AFDN: variants seen among roughly 807,000 people sequenced by gnomAD.
AFDN encodes afadin.
Under a neutral mutation model 216.6 loss-of-function variants are expected in AFDN, and 68 were observed. The observed-to-expected ratio is 0.31, with a 90% CI of 0.26 to 0.38. The LOEUF (loss-of-function observed/expected upper bound fraction) is 0.38, where lower values mean the gene tolerates loss of function less well. Ranked by LOEUF, AFDN falls within the 10% of genes least tolerant of loss-of-function variation. The pLI, the probability that AFDN is intolerant of heterozygous loss-of-function variation, is 1.00. For missense variants in AFDN, 2,136 were observed against 2,342.0 expected (o/e 0.91, Z 1.82); for synonymous variants, 868 against 853.7 (o/e 1.02, Z -0.29).
intron 27 of AFDN, 46 bp downstream of exon 27, chr6:167,946,947 G>C: frequency 6.6e-7 from 1 of 1,518,500 alleles, no homozygotes. Context: ...TGTGATCACA[G>C]TCTGAAGTGA....
chr6:167,907,011 G>A (rs771143935), intron 12 of AFDN, among the ~76,000 whole-genome samples, 160 bp from the exon 13 acceptor site: 8 of 152,218 alleles, frequency 5.3e-5, no homozygotes, highest in Non-Finnish European at 1.2e-4. Context: ...GGCACTCCCC[G>A]TGGACATAGT....
intron 12 of AFDN, among the ~76,000 whole-genome samples, chr6:167,904,517 A>G (rs948947825): frequency 2.0e-5 from 3 of 152,032 alleles, no homozygotes; most frequent in African/African-American, 7.2e-5. Context: ...GCCCCGATTC[A>G]TATCTCTAAA....
At chr6:167,928,846 C>T (rs1792907236) in intron 23 of AFDN, among the ~76,000 whole-genome samples, 2 of 152,248 alleles carry the variant, frequency 1.3e-5, no homozygotes, top group East Asian at 3.8e-4. Context: ...TGTATGTCCT[C>T]TTTGCATTTG....
At position 167,911,270 on chromosome 6, in the gene AFDN, A is replaced by C. The variant is rs1188680666; in HGVS notation, c.1832-14A>C. 1.2e-6 allele frequency: 2 copies of C among 1,609,470 alleles called. No individual in the cohort carries two copies. Among genetic ancestry groups the C allele is most frequent in the South Asian group, 2.2e-5 (2 of 90,500 alleles). ...TTTTTTCCTTTTTTCTTTGTTTTTG[A>C]AATCTTTCCACAGCTGAAGATTCAT... On this transcript the variant is annotated splice_polypyrimidine_tract_variant and intron_variant, in intron 14 of 33. Transcript: ENST00000683244.
intron 8 of AFDN, among the ~76,000 whole-genome samples, chr6:167,893,281 C>T (rs2128353079): frequency 6.6e-6 from 1 of 152,308 alleles, no homozygotes; most frequent in Admixed American, 6.5e-5. Flanking sequence ...TCACAGTCAG[C>T]ATGCTGAATG....
At chr6:167,963,184 C>A (rs1797209587) in intron 31 of AFDN, 3 of 1,065,732 alleles carry the variant, frequency 2.8e-6, no homozygotes, top group Non-Finnish European at 3.4e-6. Context: ...CGAATTTTGA[C>A]ATTCTGAGAA....
At position 167,846,695 on chromosome 6, in the gene AFDN, TA is replaced by T. The variant is rs34155210; in HGVS notation, c.106-17846del. 3.9e-3 allele frequency among the ~76,000 whole-genome samples: 561 copies of T among 143,936 alleles called. 2 individuals are homozygous for T. Among genetic ancestry groups the T allele is most frequent in the African/African-American group, 0.013 (524 of 39,268 alleles). The allele number at this position is 143,936 out of a possible 152,430, so 94.4% of individuals were successfully genotyped here. On this transcript the variant is annotated intron_variant, in intron 1 of 33. Transcript: ENST00000683244. Reference sequence around the variant, plus strand: ...TGAAGATTGAAAAAAGTATAATATTTAAAAAAAAAACCAAGTTGTTTTTTTT... The same window carrying T: ...TGAAGATTGAAAAAAGTATAATATTTAAAAAAAAACCAAGTTGTTTTTTTT...
intron 1 of AFDN, among the ~76,000 whole-genome samples, chr6:167,856,273 A>T (rs531438293): frequency 6.6e-6 from 1 of 152,230 alleles, no homozygotes; most frequent in East Asian, 1.9e-4. Flanking sequence ...TACTGTGCTT[A>T]ATTTATAAAC....
chr6:167,900,084 G>A (rs920705506), intron 11 of AFDN, among the ~76,000 whole-genome samples: 2 of 152,222 alleles, frequency 1.3e-5, no homozygotes, highest in African/African-American at 4.8e-5. Context: ...AGGTTTCAAT[G>A]AGGAGAATGT....
At chr6:167,844,177 A>AGTGTGTGTGTGTGT (rs71004173) in intron 1 of AFDN, among the ~76,000 whole-genome samples, 7 of 141,696 alleles carry the variant, frequency 4.9e-5, no homozygotes, top group African/African-American at 1.6e-4. Flanking sequence ...TCAAAAATGA[A>AGTGTGTGTGTGTGT]GTGTGTGTGT....
Position 167,827,235 on chromosome 6 carries a change from G to A in AFDN, c.103G>A (p.Glu35Lys), listed in dbSNP as rs1224891935. ...LDLFEISQPTEDLEFHGVMRF... is the reference protein window; with the variant it reads ...LDLFEISQPTKDLEFHGVMRF... The stretch of plus-strand genomic sequence containing the variant: ...CCTGTTCGAGATCAGCCAGCCGACC[G>A]AGGTGAGCACCGCCGGGCGCGGGGC... Residue 35 changes from glutamate to lysine, a missense_variant and splice_region_variant, in exon 1 of 34, where the codon GAG (glutamate) becomes AAG (lysine). By Grantham distance (56) the Glu-to-Lys change is moderately conservative. Transcript: ENST00000683244. The A allele has an allele frequency of 2.5e-6, 3 of 1,193,066 alleles. No homozygotes were observed. The highest frequency in any genetic ancestry group is 3.2e-6 in the Non-Finnish European group (3 of 932,534). 73.9% of individuals were successfully genotyped at this position (1,193,066 alleles called of 1,614,324 possible).
At chr6:167,835,860 A>AT (rs1297872559) in intron 1 of AFDN, among the ~76,000 whole-genome samples, 2 of 152,170 alleles carry the variant, frequency 1.3e-5, no homozygotes, top group African/African-American at 4.8e-5. Context: ...CTGCCCTAGA[A>AT]TGTTTAGTGA....
chr6:167,872,975 A>G (rs989683882), intron 4 of AFDN, among the ~76,000 whole-genome samples: 6 of 152,218 alleles, frequency 3.9e-5, no homozygotes, highest in Non-Finnish European at 7.3e-5. Context: ...GGGAGAAACT[A>G]GACTTTCCCC....
chr6:167,901,830 G>C (rs192299689), intron 11 of AFDN, among the ~76,000 whole-genome samples: 129 of 152,100 alleles, frequency 8.5e-4, no homozygotes, highest in Non-Finnish European at 1.6e-3. Flanking sequence ...GGTGGCTCAT[G>C]CCTGTAATCC....
intron 23 of AFDN, among the ~76,000 whole-genome samples, chr6:167,942,069 T>C (rs1465496365): frequency 6.7e-6 from 1 of 149,068 alleles, no homozygotes; most frequent in Admixed American, 6.6e-5. Context: ...CGTTTTGTTT[T>C]GGTTTGGTTT....
chr6:167,962,737 C>A lies in AFDN; in HGVS notation c.4968+170C>A, dbSNP rs1366311339. 6.7e-7 allele frequency: 1 copy of A among 1,495,882 alleles called. No homozygotes were observed. The allele number at this position is 1,495,882 out of a possible 1,614,324, so 92.7% of individuals were successfully genotyped here. On this transcript the variant is annotated intron_variant, in intron 31 of 33. Transcript: ENST00000683244. The surrounding 1 kb of genome is among the most constrained non-coding windows in gnomAD (Gnocchi z 5.2). ...ACCTGCAACTTTACCCCATCTGGCC[C>A]ACCTACCTCTCTTCTGGACTGTCTC...
rs528015703 is a variant in AFDN at position 167,934,122 on chromosome 6, G to A, written c.3100-9007G>A. On this transcript the variant is annotated intron_variant, in intron 23 of 33. Transcript: ENST00000683244. Reference sequence around the variant, plus strand: ...AAATTCACACACCTGCAAATGTCGCGTGCGGTCTTTGGGGGTTTATGGGCT... The same window carrying A: ...AAATTCACACACCTGCAAATGTCGCATGCGGTCTTTGGGGGTTTATGGGCT... Among the ~76,000 whole-genome samples the A allele has an allele frequency of 3.3e-5, 5 of 152,348 alleles. No homozygotes were observed. In the South Asian group the frequency reaches 6.2e-4, roughly 19 times the overall value.
intron 4 of AFDN, among the ~76,000 whole-genome samples, chr6:167,873,307 G>A (rs929915750): frequency 2.6e-5 from 4 of 152,146 alleles, no homozygotes; most frequent in Admixed American, 6.5e-5. Flanking sequence ...GCTTTAAACA[G>A]AAATGTAACC....
chr6:167,948,681 A>T (rs1795621128), intron 29 of AFDN, among the ~76,000 whole-genome samples: 1 of 152,258 alleles, frequency 6.6e-6, no homozygotes, highest in Non-Finnish European at 1.5e-5. Flanking sequence ...CTGATGTTTG[A>T]TTAACAAAAT....
Sources: allele counts gnomAD v4.1 joint callset (sites outside exome capture counted in the v4.1 genomes callset), GRCh38; gene constraint gnomAD v4.1.1; non-coding constraint Gnocchi (gnomAD v3.1); transcripts MANE v1.5; gene names NCBI Gene and HGNC (gene_info 2026-07-23, HGNC 2026-07-21).